The following CA11 variants were observed in gnomAD, a reference collection of about 807,000 sequenced individuals.
CA11 encodes carbonic anhydrase 11 (inactive).
CA11 carries 20 observed loss-of-function variants against 39.3 expected under a neutral mutation model. The ratio of observed to expected loss-of-function variants is 0.51; its 90% confidence interval spans 0.36 to 0.74. CA11 has a LOEUF of 0.74. Among genes scored for constraint, CA11 ranks in the 30% least tolerant of loss-of-function variants. The pLI is 0.00. For synonymous variants in CA11, 166 were observed against 172.5 expected, an observed-to-expected ratio of 0.96 and a Z score of 0.29; for missense variants, 336 against 424.6, an observed-to-expected ratio of 0.79 and a Z score of 1.83.
At position 48,645,985 on chromosome 19, in the gene CA11, A is replaced by C. The variant is rs934328335; in HGVS notation, c.-353T>G. ...CCTCCTCTCCGTTCTCTTTTCATTA[A>C]GCTCTCCCAAGCCACCTAACTCCAG... is the stretch of plus-strand genomic sequence containing the variant. On this transcript the variant is annotated 5_prime_UTR_variant, in exon 1 of 9. Coordinates refer to ENST00000084798, the MANE Select transcript of CA11 (RefSeq NM_001217.5). 6 of 414,950 alleles carry C rather than the reference A, an allele frequency of 1.4e-5. No individual in the cohort carries two copies. The highest frequency in any genetic ancestry group is 1.2e-4 in the African/African-American group (6 of 48,370). 25.7% of individuals were successfully genotyped at this position (414,950 alleles called of 1,614,324 possible). A position where few individuals can be genotyped will look rare whatever the true frequency, so the allele number is the denominator to read the frequency against.
intron 5 of CA11, 77 bp from the exon 6 acceptor site, chr19:48,639,698 G>A: frequency 1.3e-6 from 2 of 1,590,224 alleles, no homozygotes; most frequent in Non-Finnish European, 1.7e-6. Flanking sequence ...CAGGACCCAG[G>A]AGTCTGGGCC....
At chr19:48,645,108 C>T (rs2031206950) in intron 2 of CA11, among the ~76,000 whole-genome samples, 1 of 152,146 alleles carries the variant, frequency 6.6e-6, no homozygotes, top group Admixed American at 6.5e-5. Flanking sequence ...GACGGGGCCA[C>T]CCAGCCTCTG....
In CA11 at chr19:48,646,127, G is replaced by T. The variant is rs1009163140; in HGVS notation, c.-495C>A. The T allele has an allele frequency of 3.5e-5, 9 of 253,958 alleles. No homozygotes were observed. The highest frequency in any genetic ancestry group is 7.1e-5 in the East Asian group (1 of 14,026). 15.7% of individuals were successfully genotyped at this position (253,958 alleles called of 1,614,324 possible). A position where few individuals can be genotyped will look rare whatever the true frequency, so the allele number is the denominator to read the frequency against. ...TCCCTCAGTGTCGGCCTCCAGCTTC[G>T]TGCTCTCCCCACCTCCTCCTCTCCT... On this transcript the variant is annotated 5_prime_UTR_variant, in exon 1 of 9. Coordinates refer to ENST00000084798, the MANE Select transcript of CA11 (RefSeq NM_001217.5).
chr19:48,642,155 G>A (rs556354283), intron 3 of CA11, among the ~76,000 whole-genome samples: 30 of 152,300 alleles, frequency 2.0e-4, no homozygotes, highest in African/African-American at 6.7e-4. Context: ...GCTGAATGGT[G>A]CAGGACCTTG....
At position 48,639,948 on chromosome 19, in the gene CA11, G is replaced by A. The variant is rs1183750756; in HGVS notation, c.472-65C>T. The A allele has an allele frequency of 3.9e-6, 6 of 1,549,764 alleles. No individual in the cohort carries two copies. In the African/African-American group the frequency reaches 8.2e-5, roughly 21 times the overall value. Reference sequence around the variant, plus strand: ...GGAGGAGAGCATGACCCCAGCTTTGGGGGCCCGAATCAGGCTGAGGATTAG... The same window carrying A: ...GGAGGAGAGCATGACCCCAGCTTTGAGGGCCCGAATCAGGCTGAGGATTAG... On this transcript the variant is annotated intron_variant, in intron 4 of 8. Transcript: ENST00000084798.
rs1282708867 is a variant in CA11, at chr19:48,643,664, G to A, written c.285+763C>T. 6.6e-6 allele frequency among the ~76,000 whole-genome samples: 1 copy of A among 151,696 alleles called. No individual in the cohort carries two copies. The highest frequency in any genetic ancestry group is 1.5e-5 in the Non-Finnish European group (1 of 67,950). On this transcript the variant is annotated intron_variant, in intron 3 of 8. Coordinates refer to ENST00000084798, the MANE Select transcript of CA11 (RefSeq NM_001217.5). This position sits in a 1 kb window ranked among gnomAD's most constrained non-coding sequence, Gnocchi z 4.3. ...AAAAAAAAAGTATGGTTCCCAGCAT[G>A]GTACTATAAAGCAGGTCCCAGCATT...
At chr19:48,640,367 C>CTTTTTTTTTTT (rs11372081) in intron 3 of CA11, 87 bp from the exon 4 acceptor site, 1 of 279,692 alleles carries the variant, frequency 3.6e-6, no homozygotes. Flanking sequence ...TTCCAACAGT[C>CTTTTTTTTTTT]TTTTTTTTTT....
chr19:48,641,210 C>T (rs2031077386), intron 3 of CA11, among the ~76,000 whole-genome samples: 1 of 150,994 alleles, frequency 6.6e-6, no homozygotes, highest in Admixed American at 6.6e-5. Context: ...AAACTCCTGA[C>T]CTCAGGTGTT....
rs1272591945 is a variant in CA11, at chr19:48,639,010, A to C, written c.839T>G (p.Ile280Ser). 1 of 1,613,966 alleles carries C rather than the reference A, an allele frequency of 6.2e-7. No individual in the cohort carries two copies. Among genetic ancestry groups the C allele is most frequent in the Non-Finnish European group, 8.5e-7 (1 of 1,179,964 alleles). ...GCTGTTACCGCTGAGGCTCTGGAAG[A>C]TCTGAGATGGAGGATTCTGGCTCAG... is the stretch of plus-strand genomic sequence containing the variant. The part of the protein sequence containing the change: ...RLLSQNPPSQ[I>S]FQSLSGNSRP... The change falls in exon 8 of 9, where the codon ATC becomes AGC. Residue 280 changes from isoleucine (I) to serine (S), a missense_variant. Transcript: ENST00000084798.
rs915819246 is a variant in CA11 at position 48,645,616 on chromosome 19, C to G, written c.17G>C (p.Arg6Pro). 6.3e-7 allele frequency: 1 copy of G among 1,596,196 alleles called. No homozygotes were observed. The highest frequency in any genetic ancestry group is 8.5e-7 in the Non-Finnish European group (1 of 1,171,986). The change falls in exon 1 of 9, where the codon CGT becomes CCT. Residue 6 changes from arginine to proline, a missense_variant. Physicochemically the swap from Arg to Pro is moderately radical, Grantham distance 103 (BLOSUM62 -2). Coordinates refer to ENST00000084798, the MANE Select transcript of CA11 (RefSeq NM_001217.5). ...TACCAGCGCTCGAGGGGCGCTCAGA[C>G]GAGCTGCAGCCCCCATCCCCAGGAG... MGAAA[R>P]LSAPRALVLW...
chr19:48,640,205 C>G lies in CA11; in HGVS notation c.361G>C (p.Gly121Arg), dbSNP rs1169489978. ...PAPRPVVNVS[G>R]GPLLYSHRLS... ...CGGTGGCTGTAAAGGAGGGGACCTCCAGACACATTGACCACAGGTCGGGGT... is the reference window on the plus strand; with the variant it reads ...CGGTGGCTGTAAAGGAGGGGACCTCGAGACACATTGACCACAGGTCGGGGT... Residue 121 changes from glycine (G) to arginine (R), a missense_variant, in exon 4 of 9, where the codon GGA (glycine) becomes CGA (arginine). By Grantham distance (125) the Gly-to-Arg change is moderately radical (BLOSUM62 -2). Coordinates refer to ENST00000084798, the MANE Select transcript of CA11 (RefSeq NM_001217.5). The G allele has an allele frequency of 6.2e-7, 1 of 1,614,054 alleles. No homozygotes were observed. Among genetic ancestry groups the G allele is most frequent in the Admixed American group, 1.7e-5 (1 of 60,008 alleles).
chr19:48,643,937 T>C lies in CA11; in HGVS notation c.285+490A>G, dbSNP rs2031166040. 6.6e-6 allele frequency among the ~76,000 whole-genome samples: 1 copy of C among 151,848 alleles called. No individual in the cohort carries two copies. On this transcript the variant is annotated intron_variant, in intron 3 of 8. Transcript: ENST00000084798. This position sits in a 1 kb window ranked among gnomAD's most constrained non-coding sequence, Gnocchi z 4.3. ...GGAGAAAACCCATCTCTGCTAAAAA[T>C]ACAAAAAATTAGCTGGGCGTGATGG...
Position 48,638,076 on chromosome 19 carries a change from G to T in CA11, c.*43C>A. ...TTAGGGGTAACTCCCCTCGCCTTGT[G>T]GGGAGGCTTAGGACGGGCGGGTGCA... On this transcript the variant is annotated 3_prime_UTR_variant, in exon 9 of 9. Transcript: ENST00000084798. 7.0e-7 allele frequency: 1 copy of T among 1,426,488 alleles called. No individual in the cohort carries two copies. The highest frequency in any genetic ancestry group is 9.3e-7 in the Non-Finnish European group (1 of 1,079,072). 88.4% of individuals were successfully genotyped at this position (1,426,488 alleles called of 1,614,324 possible). A position where few individuals can be genotyped will look rare whatever the true frequency, so the allele number is the denominator to read the frequency against.
intron 3 of CA11, 132 bp from the exon 4 acceptor site, chr19:48,640,412 T>C (rs1197806543): frequency 1.5e-5 from 11 of 737,190 alleles, no homozygotes; most frequent in Non-Finnish European, 2.1e-5. Flanking sequence ...CTCGCTCTTG[T>C]TGCCCAGGCT....
intron 1 of CA11, 37 bp downstream of exon 1, chr19:48,645,529 T>C (rs780187799): frequency 1.9e-6 from 3 of 1,595,952 alleles, no homozygotes; most frequent in Non-Finnish European, 2.6e-6. Flanking sequence ...ACCTCCACCC[T>C]CCCTCGGGGG....
chr19:48,642,832 A>G (rs1391151408), intron 3 of CA11, among the ~76,000 whole-genome samples: 1 of 152,126 alleles, frequency 6.6e-6, no homozygotes, highest in Non-Finnish European at 1.5e-5. Flanking sequence ...TAGAAAGAAC[A>G]TGGATTGGAA....
chr19:48,640,715 C>G (rs1327192628), intron 3 of CA11, among the ~76,000 whole-genome samples: 1 of 147,840 alleles, frequency 6.8e-6, no homozygotes, highest in Non-Finnish European at 1.5e-5. Flanking sequence ...CGCTCTGTCG[C>G]CCGGGTTGGA....
intron 8 of CA11, chr19:48,638,413 C>T (rs1351264640): frequency 5.2e-6 from 5 of 970,508 alleles, no homozygotes; most frequent in Non-Finnish European, 6.2e-6. Context: ...GTTGCGAAGC[C>T]GGGGGTGTGT....
Position 48,643,371 on chromosome 19 carries a change from G to A in CA11, c.285+1056C>T, listed in dbSNP as rs541978786. On this transcript the variant is annotated intron_variant, in intron 3 of 8. Transcript: ENST00000084798. This position sits in a 1 kb window ranked among gnomAD's most constrained non-coding sequence, Gnocchi z 4.3. ...ATTACAGGCACATGCCACCACACCC[G>A]GCTAATTTTTGTATTTTTAGTAGAG... Among the ~76,000 whole-genome samples, 3 of 151,944 alleles carry A rather than the reference G, an allele frequency of 2.0e-5. No homozygotes were observed. The highest frequency in any genetic ancestry group is 2.1e-4 in the South Asian group (1 of 4,802).
Sources: allele counts gnomAD v4.1 joint callset (sites outside exome capture counted in the v4.1 genomes callset), GRCh38; gene constraint gnomAD v4.1.1; non-coding constraint Gnocchi (gnomAD v3.1); transcripts MANE v1.5; gene names NCBI Gene and HGNC (gene_info 2026-07-23, HGNC 2026-07-21).